Variants in STRN4 observed in about 807,000 individuals in gnomAD.
STRN4 encodes the protein striatin-4.
A neutral mutation model predicts 77.9 loss-of-function variants in STRN4; 27 were observed. The ratio of observed to expected loss-of-function variants is 0.35; its 90% CI spans 0.26 to 0.48. The LOEUF is 0.48. Among genes scored for constraint, STRN4 ranks in the 20% least tolerant of loss-of-function variants. The pLI is 0.99. For missense variants in STRN4, 798 were observed against 1,049.7 expected (o/e 0.76, Z 3.31); for synonymous variants, 466 against 443.1 (o/e 1.05, Z -0.65).
At position 46,736,872 on chromosome 19, in the gene STRN4, GGGTGACCGATTCCACGGGGCCATTGGA is replaced by G; in HGVS notation, c.463_489del (p.Ser155_Thr163del). 6.2e-7 allele frequency: 1 copy of G among 1,613,094 alleles called. No homozygotes were observed. The highest frequency in any genetic ancestry group is 8.5e-7 in the Non-Finnish European group (1 of 1,179,538). ...TTCCACACCAACGGGCTGTTCTCCAGGGTGACCGATTCCACGGGGCCATTGGAGACTGGCGGGTGAGAGAACGGAGGC... is the reference window on the plus strand; with the variant it reads ...TTCCACACCAACGGGCTGTTCTCCAGGACTGGCGGGTGAGAGAACGGAGGC... On this transcript the variant is annotated inframe_deletion and splice_region_variant, in exon 4 of 18. Transcript: ENST00000263280.
At position 46,727,454 on chromosome 19, in the gene STRN4, C is replaced by A; in HGVS notation, c.1246G>T (p.Asp416Tyr). 11 of 1,613,388 alleles carry A rather than the reference C, an allele frequency of 6.8e-6. No homozygotes were observed. The highest frequency in any genetic ancestry group is 1.3e-5 in the African/African-American group (1 of 74,976). ...TGGGGGGCACCCGGAGAACTTACAT[C>A]GCAGCTGAGGTCGTTGTCGTTGGTG... ...TVTNDNDLSC[D>Y]LSDSKDAFKK... Residue 416 changes from aspartate (D) to tyrosine (Y), a missense_variant and splice_region_variant, in exon 9 of 18, where the codon GAT (aspartate) becomes TAT (tyrosine). Around this residue, in one of 2 missense-constraint regions of STRN4, gnomAD observed 511 missense variants for 575.9 expected, o/e 0.89. Transcript: ENST00000263280.
At chr19:46,724,254 A>C (rs1217566193) in intron 12 of STRN4, among the ~76,000 whole-genome samples, 1 of 36,186 alleles carries the variant, frequency 2.8e-5, no homozygotes, top group Admixed American at 2.9e-4. Context: ...TGTCTCAAAA[A>C]AAAAAAAAAA....
intron 5 of STRN4, 195 bp downstream of exon 5, chr19:46,732,843 TG>T: frequency 1.5e-6 from 1 of 645,740 alleles, no homozygotes; most frequent in Non-Finnish European, 2.6e-6. Flanking sequence ...GCGAAGTGTG[TG>T]GAGGGAACCC....
In STRN4 at chr19:46,724,811, G is replaced by A. The variant is rs929501643; in HGVS notation, c.1590C>T (p.Gly530=). 6 of 1,613,844 alleles carry A rather than the reference G, an allele frequency of 3.7e-6. No individual in the cohort carries two copies. Among genetic ancestry groups the A allele is most frequent in the Non-Finnish European group, 4.2e-6 (5 of 1,180,022 alleles). ...IPDLSMDPYD[G]YDPSVLSHVL... ...GGCGGGAGGCGTTGTCCTCACCGTA[G>A]CCATCATAGGGATCCATGCTGAGGT... Residue 530 remains glycine, a synonymous_variant, in exon 12 of 18, where the codon GGC becomes GGT. Coordinates refer to ENST00000263280, the MANE Select transcript of STRN4 (RefSeq NM_013403.3).
chr19:46,724,249 C>CAAAAAAAAAAAAAAAAAAAAAA (rs71970589), intron 12 of STRN4, among the ~76,000 whole-genome samples: 1 of 87,206 alleles, frequency 1.1e-5, no homozygotes, highest in African/African-American at 5.1e-5. Flanking sequence ...CTCTTTGTCT[C>CAAAAAAAAAAAAAAAAAAAAAA]AAAAAAAAAA....
rs1472993566 is a variant in STRN4, at chr19:46,719,601, G to C, written c.*804C>G. The C allele has an allele frequency of 6.5e-6, 1 of 152,696 alleles. No individual in the cohort carries two copies. The highest frequency in any genetic ancestry group is 2.1e-4 in the South Asian group (1 of 4,834). 9.5% of individuals were successfully genotyped at this position (152,696 alleles called of 1,614,324 possible). A position where few individuals can be genotyped will look rare whatever the true frequency, so the allele number is the denominator to read the frequency against. ...ATAAACAGGAACCTGGAAGGGGACC[G>C]AGGGTGCAGGGTAGAACCAAACAAG... On this transcript the variant is annotated 3_prime_UTR_variant, in exon 18 of 18. Transcript: ENST00000263280.
Position 46,727,518 on chromosome 19 carries a change from G to A in STRN4, c.1182C>T (p.Gly394=), listed in dbSNP as rs939423465. ...EDVFIMDTIG[G]GEVSLGDLAD... is the part of the protein sequence containing the mutation. ...CCAAGTCCCCCAGGCTCACCTCCCC[G>A]CCCCCGATAGTGTCCATGATGAAGA... Residue 394 remains glycine, a synonymous_variant, in exon 9 of 18, where the codon GGC becomes GGT. Transcript: ENST00000263280. 32 of 1,613,834 alleles carry A rather than the reference G, an allele frequency of 2.0e-5. No individual in the cohort carries two copies. Among genetic ancestry groups the A allele is most frequent in the African/African-American group, 2.7e-5 (2 of 74,864 alleles).
chr19:46,725,280 G>A (rs201424751), intron 11 of STRN4, 52 bp downstream of exon 11: 10 of 1,612,866 alleles, frequency 6.2e-6, no homozygotes, highest in South Asian at 1.1e-5. Context: ...CAGGTCAGGA[G>A]TCAGGCTGCA....
chr19:46,744,402 GA>G (rs1266527990), intron 1 of STRN4, among the ~76,000 whole-genome samples: 7 of 151,912 alleles, frequency 4.6e-5, no homozygotes, highest in South Asian at 2.1e-4. Context: ...GCTTTTTTTT[GA>G]GACAGGATCT....
At chr19:46,728,423 G>A in intron 7 of STRN4, 195 bp downstream of exon 7, 1 of 740,306 alleles carries the variant, frequency 1.4e-6, no homozygotes. Context: ...GTCTCCATGG[G>A]GATTTTCCAG....
Position 46,728,349 on chromosome 19 carries a change from C to T in STRN4, c.1039+269G>A, listed in dbSNP as rs10420265. 352 of 589,762 alleles carry T rather than the reference C, an allele frequency of 6.0e-4. 2 individuals carry two copies. In the African/African-American group the frequency reaches 6.1e-3, roughly 10 times the overall value. 36.5% of individuals were successfully genotyped at this position (589,762 alleles called of 1,614,324 possible). On this transcript the variant is annotated intron_variant, in intron 7 of 17. Coordinates refer to ENST00000263280, the MANE Select transcript of STRN4 (RefSeq NM_013403.3). ...ATCCTGTTCCCTCCTTGAGGCCAGC[C>T]AGAGCTGGACGCCCGCCCTGGAGGG...
intron 1 of STRN4, 80 bp downstream of exon 1, chr19:46,746,069 A>C: frequency 8.4e-7 from 1 of 1,194,016 alleles, no homozygotes; most frequent in Non-Finnish European, 1.1e-6. Flanking sequence ...TTGCTCCAAG[A>C]TGGCGGCGGC....
chr19:46,724,755 G>A (rs369981591), intron 12 of STRN4, 52 bp downstream of exon 12: 83 of 1,612,690 alleles, frequency 5.1e-5, no homozygotes, highest in Non-Finnish European at 6.6e-5. Context: ...GCGTGGAGGG[G>A]ACGGCCAGGC....
chr19:46,725,323 C>A lies in STRN4; in HGVS notation c.1472+9G>T. Reference sequence around the variant, plus strand: ...CGAGTTTCTAGCAGGCTCAGGGGCACCTCCCTACCTGTGAGCCCGGAAAGC... The same window carrying A: ...CGAGTTTCTAGCAGGCTCAGGGGCAACTCCCTACCTGTGAGCCCGGAAAGC... On this transcript the variant is annotated intron_variant, in intron 11 of 17. Coordinates refer to ENST00000263280, the MANE Select transcript of STRN4 (RefSeq NM_013403.3). 6.2e-7 allele frequency: 1 copy of A among 1,614,166 alleles called. No homozygotes were observed.
chr19:46,743,676 G>A lies in STRN4; in HGVS notation c.282+2473C>T, dbSNP rs146186761. 4.7e-3 allele frequency among the ~76,000 whole-genome samples: 711 copies of A among 152,220 alleles called. 3 individuals are homozygous for A. Among genetic ancestry groups the A allele is most frequent in the Non-Finnish European group, 6.5e-3 (442 of 68,024 alleles). ...GCACTTTGGGAGGCCGAGGCAGGTG[G>A]ATCTCTTGAGGCCAGGAGTTCGAAA... On this transcript the variant is annotated intron_variant, in intron 1 of 17. Transcript: ENST00000263280.
At chr19:46,739,209 G>T in intron 1 of STRN4, 1 of 378,810 alleles carries the variant, frequency 2.6e-6, no homozygotes, top group South Asian at 2.4e-5. Flanking sequence ...GATGGCAGTG[G>T]AGAGGAGGGT....
At chr19:46,743,065 A>G (rs892543168) in intron 1 of STRN4, among the ~76,000 whole-genome samples, 7 of 152,256 alleles carry the variant, frequency 4.6e-5, no homozygotes, top group African/African-American at 1.4e-4. Flanking sequence ...TCAAAAAGAA[A>G]GAGTTCTCTG....
At chr19:46,722,716 G>T in intron 14 of STRN4, 94 bp downstream of exon 14, 1 of 1,544,830 alleles carries the variant, frequency 6.5e-7, no homozygotes, top group Admixed American at 1.7e-5. Context: ...GGAGTCATCT[G>T]AGCTGACTGA....
intron 16 of STRN4, chr19:46,721,536 C>T (rs926543902): frequency 1.5e-5 from 3 of 195,258 alleles, no homozygotes; most frequent in African/African-American, 2.3e-5. Context: ...CCACAGCGAC[C>T]TCCAGTCTCC....
Sources: gnomAD v4.1 joint callset for allele counts (sites outside exome capture counted in the v4.1 genomes callset) on GRCh38, gnomAD v4.1.1 for gene constraint, gnomAD v4.1.1 regional missense constraint, MANE v1.5 for transcripts, NCBI Gene and HGNC (gene_info 2026-07-23, HGNC 2026-07-21) for gene names.